The following LRRTM3 variants were observed in gnomAD, a reference collection of about 807,000 sequenced individuals.
The protein encoded by LRRTM3 is leucine rich repeat transmembrane neuronal 3, also known as leucine-rich repeat transmembrane neuronal protein 3.
Under a neutral mutation model 44.7 loss-of-function variants are expected in LRRTM3, and 24 were observed. The observed-to-expected ratio is 0.54, with a 90% confidence interval of 0.39 to 0.76. LRRTM3 has a LOEUF of 0.76. LRRTM3 is among the 30% of genes least tolerant of loss of function. The pLI is 0.00. For missense variants in LRRTM3, 587 were observed against 702.2 expected (o/e 0.84, Z 1.85); for synonymous variants, 277 against 278.7 (o/e 0.99, Z 0.06).
At position 67,073,264 on chromosome 10, in the gene LRRTM3, AT is replaced by A. The variant is rs556092568; in HGVS notation, c.1537-24321del. 7.2e-5 allele frequency among the ~76,000 whole-genome samples: 11 copies of A among 152,320 alleles called. No homozygotes were observed. In the South Asian group the frequency reaches 2.3e-3, roughly 32 times the overall value. On this transcript the variant is annotated intron_variant, in intron 2 of 2. Coordinates refer to ENST00000361320, the MANE Select transcript of LRRTM3 (RefSeq NM_178011.5). Reference sequence around the variant, plus strand: ...AAGCTATTACATTTTAATAGCTCTGATTAGTTTTTAAAACTCTATTGACACA... The same window carrying A: ...AAGCTATTACATTTTAATAGCTCTGATAGTTTTTAAAACTCTATTGACACA...
intron 2 of LRRTM3, among the ~76,000 whole-genome samples, chr10:67,073,079 C>T (rs777922801): frequency 1.3e-5 from 2 of 152,160 alleles, no homozygotes; most frequent in African/African-American, 4.8e-5. Flanking sequence ...TCAGAATAAG[C>T]AAATGCCCTC....
At position 66,959,279 on chromosome 10, in the gene LRRTM3, C is replaced by T. The variant is rs149353469; in HGVS notation, c.1536+30827C>T. ...CCCAAATCTTCAGTGATAATGGTAG[C>T]ATTCTCAGGGAATGCCTGGATTGAT... On this transcript the variant is annotated intron_variant, in intron 2 of 2. Coordinates refer to ENST00000361320, the MANE Select transcript of LRRTM3 (RefSeq NM_178011.5). Among the ~76,000 whole-genome samples the T allele has an allele frequency of 3.7e-3, 562 of 152,284 alleles. 4 individuals are homozygous for T. The highest frequency in any genetic ancestry group is 0.013 in the African/African-American group (537 of 41,554).
intron 2 of LRRTM3, among the ~76,000 whole-genome samples, chr10:66,946,741 G>A (rs1220562163): frequency 6.6e-6 from 1 of 151,854 alleles, no homozygotes; most frequent in Non-Finnish European, 1.5e-5. Context: ...TCTCATCTCT[G>A]TCCCTCCCCA....
chr10:66,945,987 A>G (rs545628940), intron 2 of LRRTM3, among the ~76,000 whole-genome samples: 4 of 152,196 alleles, frequency 2.6e-5, no homozygotes, highest in Non-Finnish European at 5.9e-5. Context: ...ACAGATCACC[A>G]TAATAGATAT....
intron 2 of LRRTM3, among the ~76,000 whole-genome samples, chr10:66,994,468 A>G (rs1851217953): frequency 6.6e-6 from 1 of 152,194 alleles, no homozygotes; most frequent in South Asian, 2.1e-4. Context: ...CTCAATTACC[A>G]AATATCTGCA....
At chr10:67,054,555 G>C (rs1050525462) in intron 2 of LRRTM3, 1 of 151,984 alleles carries the variant, frequency 6.6e-6, no homozygotes, top group Non-Finnish European at 1.5e-5. Context: ...ATGCCTTATT[G>C]GTTCCCTAAT....
chr10:67,008,018 A>C (rs909451826), intron 2 of LRRTM3, among the ~76,000 whole-genome samples: 2 of 152,050 alleles, frequency 1.3e-5, no homozygotes, highest in African/African-American at 4.8e-5. Flanking sequence ...AATTAATCAC[A>C]GTATAAGAAC....
chr10:67,058,485 C>T (rs565773456), intron 2 of LRRTM3, among the ~76,000 whole-genome samples: 1 of 152,124 alleles, frequency 6.6e-6, no homozygotes, highest in Non-Finnish European at 1.5e-5. Flanking sequence ...AAGTAAATTA[C>T]AGCATTTTGA....
chr10:66,927,175 C>G lies in LRRTM3; in HGVS notation c.259C>G (p.Leu87Val). 3 of 1,614,104 alleles carry G rather than the reference C, an allele frequency of 1.9e-6. No homozygotes were observed. Among genetic ancestry groups the G allele is most frequent in the Non-Finnish European group, 1.7e-6 (2 of 1,179,996 alleles). Residue 87 changes from leucine to valine, a missense_variant, in exon 2 of 3, where the codon CTC becomes GTC. Leu to Val is a conservative substitution (Grantham distance 32, BLOSUM62 1). This residue lies in a region of LRRTM3 where 222 missense variants were observed against 323.3 expected (regional missense o/e 0.69). Coordinates refer to ENST00000361320, the MANE Select transcript of LRRTM3 (RefSeq NM_178011.5). This position sits in a 1 kb window ranked among gnomAD's most constrained non-coding sequence, Gnocchi z 4.7. ...TAATCAATTTAAAGGGCTCAACCAG[C>G]TCACCTGGCTATACCTTGACCATAA... Reference protein sequence around the residue: ...KYNQFKGLNQLTWLYLDHNHI... With the variant: ...KYNQFKGLNQVTWLYLDHNHI...
chr10:66,968,873 T>C (rs1206279700), intron 2 of LRRTM3, among the ~76,000 whole-genome samples: 2 of 151,862 alleles, frequency 1.3e-5, no homozygotes, highest in Admixed American at 1.3e-4. Context: ...AAAAATTAGC[T>C]GGGTGTGGTG....
chr10:66,996,901 G>A (rs1851385705), intron 2 of LRRTM3, among the ~76,000 whole-genome samples: 2 of 152,082 alleles, frequency 1.3e-5, no homozygotes, highest in African/African-American at 2.4e-5. Flanking sequence ...CCTGTTGACA[G>A]TCTGTAATTC....
intron 2 of LRRTM3, among the ~76,000 whole-genome samples, chr10:66,953,196 TTC>T (rs1165682048): frequency 6.6e-6 from 1 of 152,184 alleles, no homozygotes; most frequent in African/African-American, 2.4e-5. Flanking sequence ...CTCAAGATCT[TTC>T]TGACTTTTGT....
At chr10:66,944,146 CT>C (rs1848162017) in intron 2 of LRRTM3, among the ~76,000 whole-genome samples, 1 of 152,172 alleles carries the variant, frequency 6.6e-6, no homozygotes, top group South Asian at 2.1e-4. Flanking sequence ...AGTAGAACTT[CT>C]TTCAAAATTG....
At chr10:67,031,382 A>T (rs2133110757) in intron 2 of LRRTM3, among the ~76,000 whole-genome samples, 1 of 152,326 alleles carries the variant, frequency 6.6e-6, no homozygotes, top group East Asian at 1.9e-4. Flanking sequence ...TAAGAATATC[A>T]TTCTTCGTCT....
At chr10:67,066,482 C>T (rs931460329) in intron 2 of LRRTM3, among the ~76,000 whole-genome samples, 2 of 150,258 alleles carry the variant, frequency 1.3e-5, no homozygotes, top group African/African-American at 4.9e-5. Flanking sequence ...TGAACCACCG[C>T]ACCTGGCCAA....
chr10:67,013,242 T>TATA (rs1173380133), intron 2 of LRRTM3, among the ~76,000 whole-genome samples: 3 of 151,534 alleles, frequency 2.0e-5, no homozygotes, highest in Non-Finnish European at 4.4e-5. Flanking sequence ...AATACTCTAT[T>TATA]AAGTTGCCTC....
chr10:67,081,285 T>C (rs1216025391), intron 2 of LRRTM3, among the ~76,000 whole-genome samples: 2 of 152,160 alleles, frequency 1.3e-5, no homozygotes, highest in African/African-American at 2.4e-5. Flanking sequence ...TGAACAGTGA[T>C]ATGAGAGTGA....
At chr10:66,949,456 G>A (rs1848429221) in intron 2 of LRRTM3, among the ~76,000 whole-genome samples, 1 of 152,118 alleles carries the variant, frequency 6.6e-6, no homozygotes, top group East Asian at 1.9e-4. Context: ...TACTTGGGAG[G>A]CTGAGGCAGG....
chr10:66,962,266 C>G (rs1257708325), intron 2 of LRRTM3, among the ~76,000 whole-genome samples: 1 of 152,138 alleles, frequency 6.6e-6, no homozygotes, highest in Admixed American at 6.5e-5. Context: ...GACCTTATCA[C>G]CCACTAGCCT....
Sources: allele counts gnomAD v4.1 joint callset (sites outside exome capture counted in the v4.1 genomes callset), GRCh38; gene constraint gnomAD v4.1.1; regional missense constraint gnomAD v4.1.1; non-coding constraint Gnocchi (gnomAD v3.1); transcripts MANE v1.5; gene names NCBI Gene and HGNC (gene_info 2026-07-23, HGNC 2026-07-21).